The following GRK7 variants were observed in gnomAD, a reference collection of about 807,000 sequenced individuals.
GRK7 encodes the protein rhodopsin kinase GRK7.
In GRK7, 24 loss-of-function variants were observed where a neutral mutation model predicts 34.1. The observed-to-expected ratio is 0.70, with a 90% CI of 0.51 to 0.99. The LOEUF is 0.99. Among genes scored for constraint, GRK7 ranks in the 50% least tolerant of loss-of-function variants. The pLI, the probability that GRK7 is intolerant of heterozygous loss-of-function variation, is 0.00. For synonymous variants in GRK7, 256 were observed against 279.4 expected, an observed-to-expected ratio of 0.92 and a Z score of 0.84; for missense variants, 644 against 707.3, an observed-to-expected ratio of 0.91 and a Z score of 1.02.
intron 5 of GRK7, among the ~76,000 whole-genome samples, chr3:141,815,005 A>G (rs1209572493): frequency 2.0e-5 from 3 of 149,886 alleles, no homozygotes; most frequent in South Asian, 2.1e-4. Context: ...GCTCACTGCA[A>G]TCTCCGCCTC....
chr3:141,784,986 T>C (rs2084688612), intron 4 of GRK7, among the ~76,000 whole-genome samples: 8 of 151,952 alleles, frequency 5.3e-5, no homozygotes, highest in Admixed American at 5.2e-4. Flanking sequence ...CCTCAGAGAG[T>C]TCCCACCAGC....
chr3:141,777,493 T>TTTTTTTTC (rs2084645980), intron 2 of GRK7, among the ~76,000 whole-genome samples: 1 of 127,498 alleles, frequency 7.8e-6, no homozygotes, highest in Admixed American at 7.9e-5. Context: ...CCCGGCTAAT[T>TTTTTTTTC]TTTTTTTTTT....
At chr3:141,795,620 AAAGGTTTTTAGCAGGG>A (rs1311734094) in intron 4 of GRK7, among the ~76,000 whole-genome samples, 1 of 152,088 alleles carries the variant, frequency 6.6e-6, no homozygotes, top group Non-Finnish European at 1.5e-5. Context: ...GGAACCGATG[AAAGGTTTTTAGCAGGG>A]AAGTGACAAA....
At chr3:141,806,615 G>C (rs1711039254) in intron 4 of GRK7, among the ~76,000 whole-genome samples, 1 of 151,632 alleles carries the variant, frequency 6.6e-6, no homozygotes, top group Admixed American at 6.6e-5. Flanking sequence ...GTAAATACAT[G>C]TATTAAAATC....
chr3:141,771,178 G>A (rs2084615245), intron 1 of GRK7, among the ~76,000 whole-genome samples: 1 of 152,036 alleles, frequency 6.6e-6, no homozygotes, highest in African/African-American at 2.4e-5. Context: ...ATTCACCAAT[G>A]GGTGACTGGG....
intron 5 of GRK7, among the ~76,000 whole-genome samples, chr3:141,815,510 C>G (rs533103473): frequency 1.3e-5 from 2 of 151,974 alleles, no homozygotes; most frequent in African/African-American, 4.8e-5. Context: ...TAAGAGTAAC[C>G]AAGAGGAGTA....
intron 4 of GRK7, among the ~76,000 whole-genome samples, chr3:141,781,980 A>G (rs926012085): frequency 3.3e-5 from 5 of 152,162 alleles, no homozygotes; most frequent in African/African-American, 1.2e-4. Context: ...CCCAAAGGAA[A>G]TGAGAAAAAT....
chr3:141,764,601 C>A lies in GRK7; in HGVS notation c.-1352C>A, dbSNP rs1049196933. Among the ~76,000 whole-genome samples, 1 of 152,164 alleles carries A rather than the reference C, an allele frequency of 6.6e-6. No homozygotes were observed. The highest frequency in any genetic ancestry group is 2.4e-5 in the African/African-American group (1 of 41,440). ...TCTAGGGCTCAGTCCTTAGATTTCT[C>A]TGCCCTCACCCCAGAGTGATCACAC... On this transcript the variant is annotated 5_prime_UTR_variant, in exon 1 of 6. It adds an upstream start codon to the 5' untranslated region. Transcript: ENST00000682958.
In GRK7 at chr3:141,778,784, T is replaced by C; in HGVS notation, c.500T>C (p.Val167Ala). Residue 167 changes from valine (V) to alanine (A), a missense_variant, in exon 3 of 6, where the codon GTG (valine) becomes GCG (alanine). By Grantham distance (64) the Val-to-Ala change is moderately conservative. Coordinates refer to ENST00000682958, the MANE Select transcript of GRK7 (RefSeq NM_139209.3). The surrounding 1 kb of genome is among the most constrained non-coding windows in gnomAD (Gnocchi z 4.1). ...CAAGAGCAGCCCTTTAAGGATTTCG[T>C]GACCAGCGCCTTCTACGACAAGTTT... ...FLQEQPFKDFVTSAFYDKFLQ... is the reference protein window; with the variant it reads ...FLQEQPFKDFATSAFYDKFLQ... The C allele has an allele frequency of 6.2e-7, 1 of 1,607,726 alleles. No individual in the cohort carries two copies. Among genetic ancestry groups the C allele is most frequent in the Non-Finnish European group, 8.5e-7 (1 of 1,177,590 alleles).
chr3:141,800,098 A>G (rs1169010615), intron 4 of GRK7, among the ~76,000 whole-genome samples: 1 of 152,176 alleles, frequency 6.6e-6, no homozygotes, highest in Non-Finnish European at 1.5e-5. Context: ...CTGCCACCCC[A>G]GCAGAGTCAT....
chr3:141,771,796 T>C (rs554199617), intron 1 of GRK7, among the ~76,000 whole-genome samples: 36 of 152,100 alleles, frequency 2.4e-4, no homozygotes, highest in Non-Finnish European at 4.6e-4. Context: ...GCAATTCTTC[T>C]GTCTCAGCCT....
At chr3:141,797,090 G>C (rs1264185987) in intron 4 of GRK7, among the ~76,000 whole-genome samples, 1 of 152,210 alleles carries the variant, frequency 6.6e-6, no homozygotes, top group Non-Finnish European at 1.5e-5. Context: ...GCCAGTGTGG[G>C]AGCCATTTCA....
intron 1 of GRK7, among the ~76,000 whole-genome samples, chr3:141,773,135 CA>C (rs11325742): frequency 0.81 from 91,648 of 113,262 alleles, 37,236 homozygotes; most frequent in East Asian, 0.95. Flanking sequence ...GACTTTGTCT[CA>C]AAAAAAAAAA....
intron 4 of GRK7, among the ~76,000 whole-genome samples, chr3:141,799,630 C>A (rs531461544): frequency 1.3e-5 from 2 of 151,586 alleles, no homozygotes; most frequent in Non-Finnish European, 2.9e-5. Context: ...AAACAAGGTG[C>A]AGCCTGTGTG....
Position 141,817,135 on chromosome 3 carries a change from G to A in GRK7, c.*85G>A. 9.3e-7 allele frequency: 1 copy of A among 1,072,784 alleles called. No individual in the cohort carries two copies. Among genetic ancestry groups the A allele is most frequent in the Non-Finnish European group, 1.3e-6 (1 of 743,502 alleles). The allele number at this position is 1,072,784 out of a possible 1,614,324, so 66.5% of individuals were successfully genotyped here. On this transcript the variant is annotated 3_prime_UTR_variant, in exon 6 of 6. Transcript: ENST00000682958. Reference sequence around the variant, plus strand: ...CACACGTGGAAATCTGTGGAATGAGGGCTAATCAGTTAGGAGGGACATCAC... The same window carrying A: ...CACACGTGGAAATCTGTGGAATGAGAGCTAATCAGTTAGGAGGGACATCAC...
At chr3:141,753,208 G>A in the GRK7 span, among the ~76,000 whole-genome samples, 4 of 152,116 alleles carry the variant, frequency 2.6e-5, no homozygotes, top group African/African-American at 9.7e-5. Flanking sequence ...CTCCAAAATT[G>A]CTTTTTTAAA....
At position 141,808,947 on chromosome 3, in the gene GRK7, G is replaced by A. The variant is rs140757783; in HGVS notation, c.1325+1028G>A. On this transcript the variant is annotated intron_variant, in intron 5 of 5. Coordinates refer to ENST00000682958, the MANE Select transcript of GRK7 (RefSeq NM_139209.3). The stretch of plus-strand genomic sequence containing the variant: ...CTGTGAGCCAGGCATGGTGGTTCAC[G>A]CCAGCACTTTGGGAGGTTGAGGTGG... Among the ~76,000 whole-genome samples, 28 of 151,962 alleles carry A rather than the reference G, an allele frequency of 1.8e-4. 1 individual carries two copies. The highest frequency in any genetic ancestry group is 3.4e-3 in the Middle Eastern group (1 of 294).
intron 1 of GRK7, among the ~76,000 whole-genome samples, chr3:141,768,875 T>C (rs954266222): frequency 1.3e-5 from 2 of 152,104 alleles, no homozygotes; most frequent in African/African-American, 2.4e-5. Flanking sequence ...CACCACACTT[T>C]CCTGCTTCTC....
At chr3:141,793,014 G>C (rs2084732375) in intron 4 of GRK7, among the ~76,000 whole-genome samples, 1 of 152,234 alleles carries the variant, frequency 6.6e-6, no homozygotes, top group Non-Finnish European at 1.5e-5. Flanking sequence ...CGTGCTGGGA[G>C]TGTGGCTCAC....
Sources: gnomAD v4.1 joint callset for allele counts (sites outside exome capture counted in the v4.1 genomes callset) on GRCh38, gnomAD v4.1.1 for gene constraint, Gnocchi (gnomAD v3.1) non-coding constraint, MANE v1.5 for transcripts, NCBI Gene and HGNC (gene_info 2026-07-23, HGNC 2026-07-21) for gene names.